ANO4: variants seen among roughly 807,000 people sequenced by gnomAD.
ANO4 encodes anoctamin 4, also known as anoctamin-4.
In ANO4, 69 loss-of-function variants were observed where a neutral mutation model predicts 141.9. The observed-to-expected ratio is 0.49, with a 90% confidence interval of 0.40 to 0.59. ANO4 has a LOEUF of 0.59. Among genes scored for constraint, ANO4 ranks in the 20% least tolerant of loss-of-function variants. The probability of loss-of-function intolerance (pLI) is 0.00; values close to 1 mark genes in which losing one functional copy is unlikely to be tolerated. For synonymous variants in ANO4, 350 were observed against 394.3 expected, an observed-to-expected ratio of 0.89 and a Z score of 1.33; for missense variants, 894 against 1,162.2, an observed-to-expected ratio of 0.77 and a Z score of 3.36.
At chr12:101,090,439 T>A (rs934646212) in intron 17 of ANO4, among the ~76,000 whole-genome samples, 1 of 152,146 alleles carries the variant, frequency 6.6e-6, no homozygotes, top group African/African-American at 2.4e-5. Flanking sequence ...TGAGTTCATG[T>A]CCTTTATAGG....
chr12:100,812,490 T>TCATACATAATAATATGTATA (rs2035500772), intron 1 of ANO4, among the ~76,000 whole-genome samples: 1 of 152,080 alleles, frequency 6.6e-6, no homozygotes, highest in African/African-American at 2.4e-5. Context: ...ATTACCTTAT[T>TCATACATAATAATATGTATA]CATACATAAT....
At chr12:100,837,751 C>T (rs1482767911) in intron 1 of ANO4, among the ~76,000 whole-genome samples, 1 of 144,980 alleles carries the variant, frequency 6.9e-6, no homozygotes, top group African/African-American at 2.5e-5. Context: ...CTCGCTCATA[C>T]CCAAAGTCAG....
chr12:101,089,552 C>T (rs1259918496), intron 17 of ANO4, among the ~76,000 whole-genome samples: 1 of 152,074 alleles, frequency 6.6e-6, no homozygotes, highest in Non-Finnish European at 1.5e-5. Flanking sequence ...AACCAAACAG[C>T]CATAGGTGAA....
chr12:100,751,652 C>T (rs945334710), intron 3 of ANO4, among the ~76,000 whole-genome samples: 2 of 152,036 alleles, frequency 1.3e-5, no homozygotes, highest in Admixed American at 1.3e-4. Flanking sequence ...TGAGTGCCTA[C>T]TTTGTGCCCA....
intron 19 of ANO4, 21 bp from the exon 20 acceptor site, chr12:101,097,630 G>A: frequency 1.2e-6 from 2 of 1,612,484 alleles, no homozygotes; most frequent in Non-Finnish European, 1.7e-6. Flanking sequence ...CTAATGGCTT[G>A]TTTTTCTCTG....
At chr12:100,921,434 T>C (rs1592721964) in intron 2 of ANO4, among the ~76,000 whole-genome samples, 2 of 152,160 alleles carry the variant, frequency 1.3e-5, no homozygotes, top group Non-Finnish European at 1.5e-5. Context: ...ATTTTATGCA[T>C]CAGGCTGTTT....
chr12:101,120,624 A>G lies in ANO4; in HGVS notation c.2675A>G (p.Glu892Gly). The change falls in exon 26 of 28, where the codon GAG becomes GGG. Residue 892 changes from glutamate to glycine, a missense_variant and splice_region_variant. Around this residue, in one of 2 missense-constraint regions of ANO4, gnomAD observed 637 missense variants for 909.2 expected, o/e 0.70. Transcript: ENST00000392977. ...CGATTAGCTTTTATCATTGTCTTTG[A>G]GGTAAGTTTCCTCAGCCAAATTCTT... Reference protein sequence around the residue: ...AARLAFIIVFEHLVFCIKHLI... With the variant: ...AARLAFIIVFGHLVFCIKHLI... 3 of 1,613,212 alleles carry G rather than the reference A, an allele frequency of 1.9e-6. No individual in the cohort carries two copies. The highest frequency in any genetic ancestry group is 2.5e-6 in the Non-Finnish European group (3 of 1,179,346).
chr12:100,995,587 A>G (rs539163375), intron 8 of ANO4, among the ~76,000 whole-genome samples: 40 of 152,360 alleles, frequency 2.6e-4, no homozygotes, highest in Middle Eastern at 6.8e-3. Flanking sequence ...AATACATGCC[A>G]CATATAACTC....
At chr12:101,063,267 C>G (rs2048427879) in intron 14 of ANO4, among the ~76,000 whole-genome samples, 1 of 152,210 alleles carries the variant, frequency 6.6e-6, no homozygotes, top group Non-Finnish European at 1.5e-5. Context: ...TTTGGAAATG[C>G]AGAAATCACC....
At chr12:100,884,378 A>G (rs1009339006) in intron 1 of ANO4, among the ~76,000 whole-genome samples, 11 of 152,196 alleles carry the variant, frequency 7.2e-5, no homozygotes, top group African/African-American at 2.7e-4. Context: ...CCTCCTCCAC[A>G]GGGCCCCCCA....
chr12:101,032,004 T>G (rs1052555581), intron 9 of ANO4, among the ~76,000 whole-genome samples: 6 of 152,224 alleles, frequency 3.9e-5, no homozygotes, highest in African/African-American at 1.4e-4. Flanking sequence ...ATGTTCATAC[T>G]GCCCAAAGTA....
chr12:100,942,343 T>C (rs1470512038), intron 4 of ANO4, 34 bp from the exon 5 acceptor site: 1 of 1,585,668 alleles, frequency 6.3e-7, no homozygotes, highest in Non-Finnish European at 8.5e-7. Context: ...ATTTGATGAA[T>C]GACTTAAACT....
At chr12:101,127,165 T>A in intron 27 of ANO4, 91 bp downstream of exon 27, 1 of 1,255,242 alleles carries the variant, frequency 8.0e-7, no homozygotes, top group Non-Finnish European at 1.1e-6. Flanking sequence ...ATTGTTGCAG[T>A]AACAGGGATC....
chr12:101,127,047 G>A lies in ANO4; in HGVS notation c.2845G>A (p.Ala949Thr), dbSNP rs764726068. 8 of 1,613,796 alleles carry A rather than the reference G, an allele frequency of 5.0e-6. No homozygotes were observed. The Admixed American group carries it at 5.0e-5, about 10-fold the overall frequency. Residue 949 changes from alanine (A) to threonine (T), a missense_variant, in exon 27 of 28, where the codon GCA becomes ACA. Around this residue, in one of 2 missense-constraint regions of ANO4, gnomAD observed 637 missense variants for 909.2 expected, o/e 0.70. Coordinates refer to ENST00000392977, the MANE Select transcript of ANO4 (RefSeq NM_001286615.2). ...AAAGGAGAGGAAGAAGAATGGAAAA[G>A]CACACCACAACGAGTGGCCGTGACC... ...ERKERKKNGK[A>T]HHNEWP
intron 13 of ANO4, among the ~76,000 whole-genome samples, chr12:101,044,256 C>G (rs1005581961): frequency 6.6e-6 from 1 of 152,212 alleles, no homozygotes; most frequent in Non-Finnish European, 1.5e-5. Flanking sequence ...TGTGTCCTCT[C>G]TGTCCTACCC....
intron 1 of ANO4, among the ~76,000 whole-genome samples, chr12:100,825,512 T>C (rs552328540): frequency 3.3e-5 from 5 of 152,046 alleles, no homozygotes; most frequent in Non-Finnish European, 7.4e-5. Flanking sequence ...TGTCATATAA[T>C]TAACTAGACA....
rs35462149 is a variant in ANO4 at position 100,801,093 on chromosome 12, G to GTCTCTCTC, written c.-141+6091_-141+6098dup. Among the ~76,000 whole-genome samples the GTCTCTCTC allele has an allele frequency of 6.5e-3, 950 of 147,246 alleles. 11 individuals carry two copies. Among genetic ancestry groups the GTCTCTCTC allele is most frequent in the African/African-American group, 0.015 (581 of 39,772 alleles). ...GACCTTACAGACTGTTTGTCTACTT[G>GTCTCTCTC]TCTCTCTCTCTCTCTCTCTCTCTCT... On this transcript the variant is annotated intron_variant, in intron 1 of 27. Coordinates refer to ENST00000392977, the MANE Select transcript of ANO4 (RefSeq NM_001286615.2).
chr12:100,967,395 A>G (rs1280995838), intron 5 of ANO4, among the ~76,000 whole-genome samples: 1 of 152,192 alleles, frequency 6.6e-6, no homozygotes, highest in Non-Finnish European at 1.5e-5. Context: ...AGAGAAAAGA[A>G]TGATTTATGG....
chr12:100,916,608 TTGTC>T (rs2041354655), intron 2 of ANO4, among the ~76,000 whole-genome samples: 1 of 152,172 alleles, frequency 6.6e-6, no homozygotes, highest in African/African-American at 2.4e-5. Context: ...AACATTTTCT[TTGTC>T]TGCTTCATAC....
Sources: gnomAD v4.1 joint callset for allele counts (sites outside exome capture counted in the v4.1 genomes callset) on GRCh38, gnomAD v4.1.1 for gene constraint, gnomAD v4.1.1 regional missense constraint, MANE v1.5 for transcripts, NCBI Gene and HGNC (gene_info 2026-07-23, HGNC 2026-07-21) for gene names.